CPLX1: variants seen among roughly 807,000 people sequenced by gnomAD.
CPLX1 encodes complexin 1.
In CPLX1, 6 loss-of-function variants were observed where a neutral mutation model predicts 15.6. The observed-to-expected ratio is 0.39, with a 90% CI of 0.21 to 0.76. The LOEUF is 0.76. Ranked by LOEUF, CPLX1 falls within the 30% of genes least tolerant of loss-of-function variation. The probability of loss-of-function intolerance (pLI) is 0.43; values close to 1 mark genes in which losing one functional copy is unlikely to be tolerated. For missense variants in CPLX1, 242 were observed against 188.6 expected (o/e 1.28, Z -1.66); for synonymous variants, 91 against 75.2 (o/e 1.21, Z -1.08).
At position 785,042 on chromosome 4, in the gene CPLX1, AGGACAGAC is replaced by A; in HGVS notation, c.*1451_*1458del. On this transcript the variant is annotated 3_prime_UTR_variant, in exon 4 of 4. Coordinates refer to ENST00000304062, the MANE Select transcript of CPLX1 (RefSeq NM_006651.4). ...GACATGCAGGAGGAGGCGCAGGCGC[AGGACAGAC>A]GGACAGAGGACACCACGGTCTAAGC... 6.6e-6 allele frequency: 1 copy of A among 152,368 alleles called. No individual in the cohort carries two copies. 9.4% of individuals were successfully genotyped at this position (152,368 alleles called of 1,614,324 possible). A position where few individuals can be genotyped will look rare whatever the true frequency, so the allele number is the denominator to read the frequency against.
intron 3 of CPLX1, among the ~76,000 whole-genome samples, chr4:790,014 ACGCCTG>A (rs1398963364): frequency 8.4e-4 from 71 of 84,588 alleles, no homozygotes; most frequent in Non-Finnish European, 1.1e-3. Context: ...ACAGGTGGCC[ACGCCTG>A]AGGGCGGGGT....
At chr4:795,609 C>T (rs1490850084) in intron 2 of CPLX1, among the ~76,000 whole-genome samples, 1 of 152,210 alleles carries the variant, frequency 6.6e-6, no homozygotes, top group South Asian at 2.1e-4. Context: ...CTACCTCGTT[C>T]TCTGAGCCTC....
Position 786,659 on chromosome 4 carries a change from G to GGGCCTC in CPLX1, c.241_246dup (p.Glu81_Ala82dup). ...TCGGAGTTGGCCTCCATGGCGGCCT[G>GGGCCTC]GGCCTCGGCCTCGCGCTCCTCCTTC... On this transcript the variant is annotated inframe_insertion, in exon 4 of 4. Coordinates refer to ENST00000304062, the MANE Select transcript of CPLX1 (RefSeq NM_006651.4). The GGGCCTC allele has an allele frequency of 2.5e-6, 4 of 1,611,520 alleles. No individual in the cohort carries two copies. The highest frequency in any genetic ancestry group is 3.4e-6 in the Non-Finnish European group (4 of 1,178,932).
intron 2 of CPLX1, among the ~76,000 whole-genome samples, chr4:800,734 AATATAT>A (rs60050126): frequency 0.3 from 26,757 of 88,556 alleles, 2,941 homozygotes; most frequent in Middle Eastern, 0.39. Context: ...TAAAAAAAAA[AATATAT>A]ATATATATAT....
At chr4:814,427 G>A (rs971934169) in intron 2 of CPLX1, among the ~76,000 whole-genome samples, 9 of 152,146 alleles carry the variant, frequency 5.9e-5, no homozygotes, top group Non-Finnish European at 8.8e-5. Flanking sequence ...TGGCCAGGCT[G>A]ATCTTGAACT....
In CPLX1 at chr4:785,128, C is replaced by G. The variant is rs146433146; in HGVS notation, c.*1373G>C. On this transcript the variant is annotated 3_prime_UTR_variant, in exon 4 of 4. Coordinates refer to ENST00000304062, the MANE Select transcript of CPLX1 (RefSeq NM_006651.4). ...CTGGGAACGGGGTGCGCAGGTTCTA[C>G]GAGAGGACGCCCTGTCTGCTCAGAG... The G allele has an allele frequency of 1.3e-5, 2 of 152,082 alleles. No homozygotes were observed. The highest frequency in any genetic ancestry group is 1.5e-5 in the Non-Finnish European group (1 of 68,072). 9.4% of individuals were successfully genotyped at this position (152,082 alleles called of 1,614,324 possible). A position where few individuals can be genotyped will look rare whatever the true frequency, so the allele number is the denominator to read the frequency against.
Position 812,396 on chromosome 4 carries a change from G to A in CPLX1, c.31+12096C>T, listed in dbSNP as rs186611778. On this transcript the variant is annotated intron_variant, in intron 2 of 3. Coordinates refer to ENST00000304062, the MANE Select transcript of CPLX1 (RefSeq NM_006651.4). ...CCAGCAGAGTCTTTTTATATTTAAA[G>A]TGGGTTTCTTGTATGTAGCACAGAA... 1.5e-3 allele frequency among the ~76,000 whole-genome samples: 228 copies of A among 152,226 alleles called. 2 individuals are homozygous for A. Among genetic ancestry groups the A allele is most frequent in the Middle Eastern group, 6.8e-3 (2 of 292 alleles).
chr4:825,564 G>A (rs1746963825), intron 1 of CPLX1, among the ~76,000 whole-genome samples: 1 of 151,996 alleles, frequency 6.6e-6, no homozygotes, highest in South Asian at 2.1e-4. Flanking sequence ...GGCTTTGCGG[G>A]CGGGCGAGCG....
chr4:818,042 C>A (rs990840610), intron 2 of CPLX1, among the ~76,000 whole-genome samples: 2 of 152,230 alleles, frequency 1.3e-5, no homozygotes, highest in Non-Finnish European at 1.5e-5. Context: ...AGAAGAATGA[C>A]CACAGGTGAA....
intron 3 of CPLX1, 167 bp from the exon 4 acceptor site, chr4:786,865 G>A: frequency 1.0e-6 from 1 of 983,944 alleles, no homozygotes; most frequent in South Asian, 4.7e-5. Context: ...ACCCCGGGGG[G>A]TCCCTGGAGG....
At chr4:808,806 G>A (rs1049843483) in intron 2 of CPLX1, among the ~76,000 whole-genome samples, 5 of 152,186 alleles carry the variant, frequency 3.3e-5, no homozygotes, top group African/African-American at 9.7e-5. Context: ...TTTAAAACCC[G>A]TTGTAAAAAA....
chr4:814,019 C>G (rs184639387), intron 2 of CPLX1, among the ~76,000 whole-genome samples: 1 of 152,236 alleles, frequency 6.6e-6, no homozygotes, highest in Non-Finnish European at 1.5e-5. Context: ...GCCTGGGCAT[C>G]GGAGGCAGAG....
rs537720043 is a variant in CPLX1, at chr4:787,396, C to A, written c.208-698G>T. On this transcript the variant is annotated intron_variant, in intron 3 of 3. Coordinates refer to ENST00000304062, the MANE Select transcript of CPLX1 (RefSeq NM_006651.4). ...GCCCTCCGTAGTAGCTGAATATTGTCCCCCTCAAATTCATATTGCCTGGAG... is the reference window on the plus strand; with the variant it reads ...GCCCTCCGTAGTAGCTGAATATTGTACCCCTCAAATTCATATTGCCTGGAG... 15 of 984,438 alleles carry A rather than the reference C, an allele frequency of 1.5e-5. No individual in the cohort carries two copies. The Admixed American group carries it at 8.6e-4, about 56-fold the overall frequency. 61.0% of individuals were successfully genotyped at this position (984,438 alleles called of 1,614,324 possible).
At chr4:794,942 T>TG (rs1270315664) in intron 2 of CPLX1, among the ~76,000 whole-genome samples, 1 of 152,160 alleles carries the variant, frequency 6.6e-6, no homozygotes, top group Non-Finnish European at 1.5e-5. Flanking sequence ...GGGGTGCCTG[T>TG]GGGGGGCCCT....
chr4:792,178 G>C (rs552498733), intron 3 of CPLX1, among the ~76,000 whole-genome samples: 1 of 152,224 alleles, frequency 6.6e-6, no homozygotes, highest in Non-Finnish European at 1.5e-5. Flanking sequence ...GCAGGGCTGC[G>C]CATCGGAATG....
intron 2 of CPLX1, among the ~76,000 whole-genome samples, chr4:793,551 G>A (rs1277730050): frequency 6.6e-6 from 1 of 152,224 alleles, no homozygotes; most frequent in Non-Finnish European, 1.5e-5. Context: ...CCAGAGAGCA[G>A]AGCAAGCTGG....
chr4:818,612 G>A (rs1311650625), intron 2 of CPLX1, among the ~76,000 whole-genome samples: 6 of 152,274 alleles, frequency 3.9e-5, no homozygotes, highest in East Asian at 1.9e-4. Flanking sequence ...CCACACCGCC[G>A]AGGCCAGGAA....
chr4:788,011 C>T (rs968422831), intron 3 of CPLX1: 10 of 985,244 alleles, frequency 1.0e-5, no homozygotes, highest in South Asian at 4.7e-5. Context: ...GTAGTGAAGG[C>T]GTCAGCAGCT....
chr4:799,844 C>G, intron 2 of CPLX1, among the ~76,000 whole-genome samples: 1 of 152,214 alleles, frequency 6.6e-6, no homozygotes, highest in Middle Eastern at 3.2e-3. Flanking sequence ...GCCTGAGCGA[C>G]AGAGGCAGGC....
Sources: gnomAD v4.1 joint callset for allele counts (sites outside exome capture counted in the v4.1 genomes callset) on GRCh38, gnomAD v4.1.1 for gene constraint, MANE v1.5 for transcripts, NCBI Gene and HGNC (gene_info 2026-07-23, HGNC 2026-07-21) for gene names.